The following TYR variants were observed in gnomAD, a reference collection of about 807,000 sequenced individuals.
The protein encoded by TYR is LB24-AB.
In TYR, 58 loss-of-function variants were observed where a neutral mutation model predicts 51.5. The ratio of observed to expected loss-of-function variants is 1.13; its 90% confidence interval spans 0.91 to 1.40. The LOEUF (loss-of-function observed/expected upper bound fraction) is 1.40. Ranked by LOEUF, TYR falls within the 40% of genes most tolerant of loss-of-function variation. The probability of loss-of-function intolerance (pLI) is 0.00; values close to 1 mark genes in which losing one functional copy is unlikely to be tolerated. For synonymous variants in TYR, 263 were observed against 235.2 expected (o/e 1.12, Z -1.08); for missense variants, 732 against 647.4 (o/e 1.13, Z -1.42).
At chr11:89,246,757 C>A (rs140976012) in intron 3 of TYR, among the ~76,000 whole-genome samples, 5,888 of 152,054 alleles carry the variant, frequency 0.039, 375 homozygotes, top group African/African-American at 0.13. Context: ...TCAAACCAGA[C>A]GCCTTGCCAA....
At chr11:89,272,117 T>C (rs1004424981) in intron 3 of TYR, among the ~76,000 whole-genome samples, 3 of 151,892 alleles carry the variant, frequency 2.0e-5, no homozygotes, top group Admixed American at 6.6e-5. Context: ...CCCATGAAAA[T>C]TAATGTTCTT....
rs1064796028 is a variant in TYR at position 89,178,754 on chromosome 11, ATTC to A, written c.806_808del (p.Phe269del). 4 of 1,614,000 alleles carry A rather than the reference ATTC, an allele frequency of 2.5e-6. No individual in the cohort carries two copies. Among genetic ancestry groups the A allele is most frequent in the Non-Finnish European group, 3.4e-6 (4 of 1,180,042 alleles). Reference sequence around the variant, plus strand: ...ATCCTAACTTACTCAGCCCAGCATCATTCTTCTCCTCTTGGCAGGTAAGATATG... The same window carrying A: ...ATCCTAACTTACTCAGCCCAGCATCATTCTCCTCTTGGCAGGTAAGATATG... On this transcript the variant is annotated inframe_deletion, in exon 1 of 5. Coordinates refer to ENST00000263321, the MANE Select transcript of TYR (RefSeq NM_000372.5).
At chr11:89,191,945 TAA>T (rs1305579426) in intron 2 of TYR, 8 of 396,192 alleles carry the variant, frequency 2.0e-5, no homozygotes, top group African/African-American at 1.5e-4. Flanking sequence ...ATTTCAGATA[TAA>T]GTCTGTGGAC....
chr11:89,210,643 G>A (rs1333647086), intron 2 of TYR, among the ~76,000 whole-genome samples: 1 of 152,092 alleles, frequency 6.6e-6, no homozygotes, highest in East Asian at 1.9e-4. Context: ...CTCGAGAAGA[G>A]CAACCCCAAG....
chr11:89,188,491 C>T (rs1367686248), intron 1 of TYR, among the ~76,000 whole-genome samples: 1 of 151,952 alleles, frequency 6.6e-6, no homozygotes, highest in Non-Finnish European at 1.5e-5. Flanking sequence ...ATAACTTGTT[C>T]TCAATGGAGG....
chr11:89,293,679 T>C (rs1302748747), intron 4 of TYR: 6 of 158,272 alleles, frequency 3.8e-5, no homozygotes, highest in Non-Finnish European at 8.8e-5. Context: ...AGAATGTAGT[T>C]ATTTTTCCAC....
chr11:89,274,269 G>C (rs1162883549), intron 3 of TYR, among the ~76,000 whole-genome samples: 1 of 151,712 alleles, frequency 6.6e-6, no homozygotes, highest in African/African-American at 2.4e-5. Flanking sequence ...TTAATTTTAG[G>C]ACAACTCTTT....
chr11:89,283,378 G>T (rs572454978), intron 3 of TYR, among the ~76,000 whole-genome samples: 27 of 151,750 alleles, frequency 1.8e-4, no homozygotes, highest in African/African-American at 6.3e-4. Context: ...TGTTGAAAAT[G>T]GTTTTCTAAA....
intron 2 of TYR, among the ~76,000 whole-genome samples, chr11:89,197,793 G>A (rs1591147602): frequency 6.6e-6 from 1 of 152,192 alleles, no homozygotes; most frequent in African/African-American, 2.4e-5. Flanking sequence ...ACACATCTGT[G>A]ATTGATTTCT....
chr11:89,251,335 G>T (rs1354836050), intron 3 of TYR, among the ~76,000 whole-genome samples: 1 of 151,776 alleles, frequency 6.6e-6, no homozygotes, highest in East Asian at 1.9e-4. Context: ...ATGACATAAG[G>T]GTTTCCTGAA....
chr11:89,227,044 C>A (rs1413956465), intron 2 of TYR, among the ~76,000 whole-genome samples: 1 of 152,114 alleles, frequency 6.6e-6, no homozygotes, highest in Non-Finnish European at 1.5e-5. Flanking sequence ...AAAATCCCAA[C>A]TCTACCTGGG....
intron 3 of TYR, among the ~76,000 whole-genome samples, chr11:89,257,328 T>G (rs1396016360): frequency 1.3e-5 from 2 of 151,938 alleles, no homozygotes; most frequent in Non-Finnish European, 2.9e-5. Context: ...TTTCACACAA[T>G]AACAATAACA....
intron 3 of TYR, among the ~76,000 whole-genome samples, chr11:89,265,091 C>A (rs746351275): frequency 5.9e-5 from 9 of 152,010 alleles, no homozygotes; most frequent in Non-Finnish European, 1.0e-4. Context: ...CTAATAACAA[C>A]TTCTAAACAA....
chr11:89,238,617 G>A (rs114860571), intron 3 of TYR, among the ~76,000 whole-genome samples: 1,668 of 152,176 alleles, frequency 0.011, 29 homozygotes, highest in African/African-American at 0.038. Context: ...AGGACTTACA[G>A]TATTTGTTGA....
chr11:89,195,375 A>T (rs1362002759), intron 2 of TYR, among the ~76,000 whole-genome samples: 2 of 152,070 alleles, frequency 1.3e-5, no homozygotes, highest in African/African-American at 4.8e-5. Flanking sequence ...GTAATTTGTG[A>T]ATTGTGTAAG....
chr11:89,264,158 T>A (rs192571392), intron 3 of TYR, among the ~76,000 whole-genome samples: 1 of 152,048 alleles, frequency 6.6e-6, no homozygotes, highest in East Asian at 1.9e-4. Context: ...CCGTGAAGCT[T>A]CTCCCACTGC....
intron 1 of TYR, among the ~76,000 whole-genome samples, chr11:89,188,493 C>T (rs1943404232): frequency 6.6e-6 from 1 of 151,954 alleles, no homozygotes; most frequent in African/African-American, 2.4e-5. Context: ...AACTTGTTCT[C>T]AATGGAGGAG....
chr11:89,201,441 C>T (rs1020864841), intron 2 of TYR, among the ~76,000 whole-genome samples: 2 of 152,062 alleles, frequency 1.3e-5, no homozygotes, highest in Non-Finnish European at 2.9e-5. Flanking sequence ...TTTCAGAATG[C>T]AGCATAAATA....
chr11:89,180,573 A>C (rs1314469907), intron 1 of TYR, among the ~76,000 whole-genome samples: 1 of 152,064 alleles, frequency 6.6e-6, no homozygotes, highest in African/African-American at 2.4e-5. Flanking sequence ...AAAGTGTGTC[A>C]AGTCAGTAAG....
Sources: allele counts gnomAD v4.1 joint callset (sites outside exome capture counted in the v4.1 genomes callset), GRCh38; gene constraint gnomAD v4.1.1; transcripts MANE v1.5; gene names NCBI Gene and HGNC (gene_info 2026-07-23, HGNC 2026-07-21).